The following FAM170A variants were observed in gnomAD, a reference collection of about 807,000 sequenced individuals.
FAM170A encodes protein FAM170A.
In FAM170A, 28 loss-of-function variants were observed where a neutral mutation model predicts 36.6. The ratio of observed to expected loss-of-function variants is 0.76; its 90% CI spans 0.57 to 1.05. The LOEUF is 1.05. FAM170A is among the 50% of genes least tolerant of loss of function. The probability of loss-of-function intolerance (pLI) is 0.00; values close to 1 mark genes in which losing one functional copy is unlikely to be tolerated. For missense variants in FAM170A, 434 were observed against 396.5 expected (o/e 1.09, Z -0.80); for synonymous variants, 156 against 143.9 (o/e 1.08, Z -0.60).
chr5:119,630,957 G>A (rs759920703), intron 1 of FAM170A, among the ~76,000 whole-genome samples: 1 of 152,210 alleles, frequency 6.6e-6, no homozygotes, highest in Non-Finnish European at 1.5e-5. Flanking sequence ...TGGCGTCATA[G>A]TGAAACCACG....
chr5:119,634,477 C>A (rs778269344), exon 3 of FAM170A: 7 of 1,614,242 alleles, frequency 4.3e-6, no homozygotes, highest in Non-Finnish European at 5.9e-6. Flanking sequence ...TGGAAGCCCT[C>A]CAGGAGCATG....
At chr5:119,630,822 G>A (rs328705) in intron 1 of FAM170A, among the ~76,000 whole-genome samples, 105,084 of 152,116 alleles carry the variant, frequency 0.69, 36,517 homozygotes, top group South Asian at 0.77. Flanking sequence ...GCTGGTAGAA[G>A]TCTATGATTT....
chr5:119,634,182 C>T (rs1275089472), exon 3 of FAM170A: 10 of 1,614,212 alleles, frequency 6.2e-6, no homozygotes, highest in South Asian at 3.3e-5. Context: ...TCCTGGGAGA[C>T]AGAGGAAACT....
chr5:119,630,584 G>T (rs1432366115), intron 1 of FAM170A, among the ~76,000 whole-genome samples: 3 of 152,164 alleles, frequency 2.0e-5, no homozygotes, highest in African/African-American at 7.2e-5. Context: ...AGGGTACCCA[G>T]ATGTGAGACG....
chr5:119,631,023 A>T lies in FAM170A; in HGVS notation c.70+1185A>T, dbSNP rs561373692. ...ACCAATTAATCCAATAGAGTTTGTG[A>T]ATCCACAGTGTGGGACTTCCCAGAG... On this transcript the variant is annotated intron_variant, in intron 1 of 4. Transcript: ENST00000613773. Among the ~76,000 whole-genome samples the T allele has an allele frequency of 2.6e-5, 4 of 152,352 alleles. No individual in the cohort carries two copies. In the East Asian group the frequency reaches 7.7e-4, roughly 29 times the overall value.
chr5:119,634,677 T>C, exon 3 of FAM170A: 1 of 1,573,886 alleles, frequency 6.4e-7, no homozygotes, highest in Non-Finnish European at 8.6e-7. Context: ...GACCTTGGCC[T>C]GAGGAGATCC....
intron 3 of FAM170A, 135 bp downstream of exon 3, chr5:119,634,869 G>T: frequency 8.2e-7 from 1 of 1,217,282 alleles, no homozygotes; most frequent in Non-Finnish European, 1.2e-6. Flanking sequence ...AATGGAGGGG[G>T]ACATAACTGG....
chr5:119,634,022 C>A (rs756483064), exon 3 of FAM170A: 13 of 1,614,074 alleles, frequency 8.1e-6, no homozygotes, highest in African/African-American at 1.3e-5. Context: ...GGTTCAGGAA[C>A]GAGGAGAGAC....
chr5:119,631,539 C>T (rs148736064), intron 1 of FAM170A, among the ~76,000 whole-genome samples: 12 of 152,062 alleles, frequency 7.9e-5, no homozygotes, highest in East Asian at 3.9e-4. Context: ...CAGTGTATAC[C>T]GAATTTTTGT....
intron 2 of FAM170A, 115 bp downstream of exon 2, chr5:119,633,003 T>C (rs1756289103): frequency 8.1e-7 from 1 of 1,241,650 alleles, no homozygotes; most frequent in South Asian, 1.7e-5. Context: ...GCAGTGCTGC[T>C]TGGGTGTAAG....
intron 1 of FAM170A, among the ~76,000 whole-genome samples, chr5:119,630,072 T>C (rs1246865484): frequency 2.7e-5 from 4 of 149,094 alleles, no homozygotes; most frequent in Admixed American, 6.7e-5. Context: ...TTTGTATTTT[T>C]AGTAGAGACG....
chr5:119,633,868 C>T lies in FAM170A; in HGVS notation c.212-92C>T, dbSNP rs764060043. The T allele has an allele frequency of 2.1e-4, 306 of 1,484,232 alleles. 1 individual carries two copies. Among genetic ancestry groups the T allele is most frequent in the Non-Finnish European group, 2.5e-4 (279 of 1,100,672 alleles). The allele number at this position is 1,484,232 out of a possible 1,614,324, so 91.9% of individuals were successfully genotyped here. On this transcript the variant is annotated intron_variant, in intron 2 of 4. Transcript: ENST00000613773. ...TACACAGCTGCATCTCACCACAGTC[C>T]CTGTCTCCTGCACCACACATATTTA...
chr5:119,634,088 G>A lies in FAM170A; in HGVS notation c.340G>A (p.Val114Met), dbSNP rs764229928. 9.9e-6 allele frequency: 16 copies of A among 1,614,108 alleles called. No individual in the cohort carries two copies. In the South Asian group the frequency reaches 1.6e-4, roughly 17 times the overall value. ...GTCCTATTCATCCTATAAGACTTGTGTGTCCTCTCTGTGTGTAAACAAAGA... is the reference window on the plus strand; with the variant it reads ...GTCCTATTCATCCTATAAGACTTGTATGTCCTCTCTGTGTGTAAACAAAGA... Residue 114 changes from valine to methionine, a missense_variant, in exon 3 of 5, where the codon GTG becomes ATG. By Grantham distance (21) the Val-to-Met change is conservative. Coordinates refer to ENST00000613773, the Ensembl canonical transcript of FAM170A.
In FAM170A at chr5:119,634,986, A is replaced by G. The variant is rs192363843; in HGVS notation, c.987-45A>G. The G allele has an allele frequency of 1.2e-4, 188 of 1,612,554 alleles. 1 individual carries two copies. The African/African-American group carries it at 2.4e-3, about 21-fold the overall frequency. The stretch of plus-strand genomic sequence containing the variant: ...AAATTCTGAGAATTTCAAAAGTCGC[A>G]TTAACTAAGAAGTGTCTTTCTTTGG... On this transcript the variant is annotated intron_variant, in intron 3 of 4. Coordinates refer to ENST00000613773, the Ensembl canonical transcript of FAM170A.
At chr5:119,634,983 C>G (rs1215305628) in intron 3 of FAM170A, 45 bp from the exon 4 acceptor site, 10 of 1,611,252 alleles carry the variant, frequency 6.2e-6, no homozygotes, top group Non-Finnish European at 8.5e-6. Flanking sequence ...TTTCAAAAGT[C>G]GCATTAACTA....
intron 2 of FAM170A, 126 bp downstream of exon 2, chr5:119,633,014 A>T: frequency 1.8e-6 from 2 of 1,100,100 alleles, no homozygotes; most frequent in Admixed American, 2.9e-5. Context: ...TGGGTGTAAG[A>T]CTCTTTGGGA....
intron 1 of FAM170A, among the ~76,000 whole-genome samples, chr5:119,632,054 C>T (rs1374373081): frequency 6.6e-6 from 1 of 152,170 alleles, no homozygotes; most frequent in Non-Finnish European, 1.5e-5. Context: ...TTGCACGGGA[C>T]ATACTTACGC....
At position 119,632,820 on chromosome 5, in the gene FAM170A, T is replaced by C. The variant is rs772769114; in HGVS notation, c.143T>C (p.Val48Ala). The C allele has an allele frequency of 1.5e-5, 24 of 1,612,828 alleles. No homozygotes were observed. The highest frequency in any genetic ancestry group is 2.0e-5 in the Non-Finnish European group (23 of 1,179,186). The change falls in exon 2 of 5, where the codon GTG (valine) becomes GCG (alanine). Residue 48 changes from valine (V) to alanine (A), a missense_variant. Physicochemically the swap from Val to Ala is moderately conservative, Grantham distance 64 (BLOSUM62 0). Coordinates refer to ENST00000613773, the Ensembl canonical transcript of FAM170A. Reference sequence around the variant, plus strand: ...GTGGCCAAAGGCTGGAGCCAAGGGGTGGGAGAAGTTACTTCTACCTCCGAA... The same window carrying C: ...GTGGCCAAAGGCTGGAGCCAAGGGGCGGGAGAAGTTACTTCTACCTCCGAA...
At chr5:119,629,991 AC>A (rs1756207746) in intron 1 of FAM170A, among the ~76,000 whole-genome samples, 153 bp downstream of exon 1, 2 of 151,872 alleles carry the variant, frequency 1.3e-5, no homozygotes, top group Non-Finnish European at 2.9e-5. Context: ...TCTCGGGTTC[AC>A]GCCATTCTCC....
Sources: gnomAD v4.1 joint callset for allele counts (sites outside exome capture counted in the v4.1 genomes callset) on GRCh38, gnomAD v4.1.1 for gene constraint, MANE v1.5 for transcripts, NCBI Gene and HGNC (gene_info 2026-07-23, HGNC 2026-07-21) for gene names.